KREMEN1: variants seen among roughly 807,000 people sequenced by gnomAD.
KREMEN1 encodes kremen protein 1.
KREMEN1 carries 30 observed loss-of-function variants against 46.5 expected under a neutral mutation model. The observed-to-expected ratio is 0.65, with a 90% CI of 0.48 to 0.88. KREMEN1 has a LOEUF of 0.88. Ranked by LOEUF, KREMEN1 falls within the 40% of genes least tolerant of loss-of-function variation. KREMEN1 has a pLI of 0.00. For synonymous variants in KREMEN1, 214 were observed against 230.6 expected (o/e 0.93, Z 0.65); for missense variants, 533 against 596.9 (o/e 0.89, Z 1.11).
rs568646538 is a variant in KREMEN1 at position 29,145,951 on chromosome 22, G to A, written c.*3839G>A. Reference sequence around the variant, plus strand: ...GCAGGAGCCTTCCTGGCCGGGCTCAGGATCTGCCTGCAGCCCAGCCAGGCC... The same window carrying A: ...GCAGGAGCCTTCCTGGCCGGGCTCAAGATCTGCCTGCAGCCCAGCCAGGCC... On this transcript the variant is annotated 3_prime_UTR_variant, in exon 9 of 9. Coordinates refer to ENST00000400335, the MANE Select transcript of KREMEN1 (RefSeq NM_001039570.3). 2.0e-6 allele frequency: 2 copies of A among 986,010 alleles called. No homozygotes were observed. Among genetic ancestry groups the A allele is most frequent in the Non-Finnish European group, 2.4e-6 (2 of 830,084 alleles). The allele number at this position is 986,010 out of a possible 1,614,324, so 61.1% of individuals were successfully genotyped here.
chr22:29,082,477 G>A (rs534808065), intron 1 of KREMEN1, among the ~76,000 whole-genome samples: 58 of 152,306 alleles, frequency 3.8e-4, no homozygotes, highest in African/African-American at 1.4e-3. Context: ...CATAGGTATT[G>A]CTAGGTAAGT....
chr22:29,126,006 G>A (rs1291026327), intron 5 of KREMEN1, among the ~76,000 whole-genome samples: 1 of 151,812 alleles, frequency 6.6e-6, no homozygotes, highest in Non-Finnish European at 1.5e-5. Flanking sequence ...TCTAACCACT[G>A]AGCCAGCTGA....
intron 9 of KREMEN1, among the ~76,000 whole-genome samples, chr22:29,162,089 C>T (rs1448258273): frequency 2.0e-5 from 3 of 151,318 alleles, no homozygotes; most frequent in Non-Finnish European, 2.9e-5. Context: ...TGCACTCTAG[C>T]CTGAATAACA....
intron 4 of KREMEN1, among the ~76,000 whole-genome samples, chr22:29,121,738 G>A (rs553814940): frequency 6.6e-6 from 1 of 152,338 alleles, no homozygotes; most frequent in African/African-American, 2.4e-5. Context: ...TCTGGGTTAT[G>A]AATGTTCTGG....
At chr22:29,078,476 A>T (rs1396466009) in intron 1 of KREMEN1, among the ~76,000 whole-genome samples, 2 of 131,538 alleles carry the variant, frequency 1.5e-5, no homozygotes, top group African/African-American at 5.9e-5. Flanking sequence ...ACAGAAAAAC[A>T]GCCAGGAAAA....
At chr22:29,121,224 T>G in intron 3 of KREMEN1, 133 bp from the exon 4 acceptor site, 1 of 982,598 alleles carries the variant, frequency 1.0e-6, no homozygotes, top group Non-Finnish European at 1.5e-6. Flanking sequence ...CAAAGCTGGT[T>G]GCTTGTTGTT....
chr22:29,136,122 A>G (rs1170305163), intron 5 of KREMEN1, among the ~76,000 whole-genome samples: 1 of 151,756 alleles, frequency 6.6e-6, no homozygotes, highest in Non-Finnish European at 1.5e-5. Context: ...GGGTTTCACC[A>G]TATTGATCAG....
chr22:29,090,055 T>C (rs2037783997), intron 1 of KREMEN1, among the ~76,000 whole-genome samples: 1 of 152,230 alleles, frequency 6.6e-6, no homozygotes, highest in Non-Finnish European at 1.5e-5. Flanking sequence ...GTAAGCTCCA[T>C]GAATACAGGA....
intron 3 of KREMEN1, among the ~76,000 whole-genome samples, chr22:29,115,993 T>C (rs1284758996): frequency 6.6e-6 from 1 of 152,072 alleles, no homozygotes; most frequent in African/African-American, 2.4e-5. Flanking sequence ...TGTGAGAAAG[T>C]TTGGACTTTA....
chr22:29,084,916 C>T (rs896362178), intron 1 of KREMEN1, among the ~76,000 whole-genome samples: 5 of 151,978 alleles, frequency 3.3e-5, no homozygotes, highest in African/African-American at 1.2e-4. Flanking sequence ...TTAAGGGCAC[C>T]ATCTCCTTAA....
chr22:29,117,597 T>C (rs1223828981), intron 3 of KREMEN1, among the ~76,000 whole-genome samples: 1 of 151,930 alleles, frequency 6.6e-6, no homozygotes, highest in Non-Finnish European at 1.5e-5. Context: ...TCTAAGAGTC[T>C]ATATGCCTGT....
At chr22:29,115,764 G>T (rs1156557586) in intron 3 of KREMEN1, among the ~76,000 whole-genome samples, 1 of 152,208 alleles carries the variant, frequency 6.6e-6, no homozygotes, top group Non-Finnish European at 1.5e-5. Context: ...CTTCCCAGGG[G>T]AAATGATGTT....
chr22:29,154,672 C>G (rs1469633231), intron 9 of KREMEN1: 1 of 152,134 alleles, frequency 6.6e-6, no homozygotes, highest in South Asian at 2.1e-4. Flanking sequence ...AGCCCTGAAC[C>G]GCAACTGCTC....
chr22:29,124,884 G>A (rs1025150361), intron 4 of KREMEN1, among the ~76,000 whole-genome samples: 1 of 152,124 alleles, frequency 6.6e-6, no homozygotes, highest in Non-Finnish European at 1.5e-5. Context: ...GTAAAATGGG[G>A]CCTATAATGT....
In KREMEN1 at chr22:29,073,414, G is replaced by T. The variant is rs555326716; in HGVS notation, c.97+187G>T. 1.3e-5 allele frequency among the ~76,000 whole-genome samples: 2 copies of T among 151,464 alleles called. No homozygotes were observed. Among genetic ancestry groups the T allele is most frequent in the African/African-American group, 2.4e-5 (1 of 41,240 alleles). ...TGGGACCCGGGCTACCCCCAGGCCC[G>T]TCATCGACGCCCCCGGGCCCGGTAC... On this transcript the variant is annotated intron_variant, in intron 1 of 8. Coordinates refer to ENST00000400335, the MANE Select transcript of KREMEN1 (RefSeq NM_001039570.3). The surrounding 1 kb of genome is among the most constrained non-coding windows in gnomAD (Gnocchi z 4.4).
At position 29,138,671 on chromosome 22, in the gene KREMEN1, G is replaced by T. The variant is rs146078397; in HGVS notation, c.1012G>T (p.Val338Leu). The T allele has an allele frequency of 2.3e-4, 375 of 1,614,228 alleles. 1 individual carries two copies. The African/African-American group carries it at 4.0e-3, about 17-fold the overall frequency. Residue 338 changes from valine to leucine, a missense_variant, in exon 7 of 9, where the codon GTG (valine) becomes TTG (leucine). By Grantham distance (32) the Val-to-Leu change is conservative. Transcript: ENST00000400335. ...GGAGAGGCCCGCTGTCAACCAGACGGTGGCCGAGGTGATCACGGAGCAGGC... is the reference window on the plus strand; with the variant it reads ...GGAGAGGCCCGCTGTCAACCAGACGTTGGCCGAGGTGATCACGGAGCAGGC... Reference protein sequence around the residue: ...PQERPAVNQTVAEVITEQANL... With the variant: ...PQERPAVNQTLAEVITEQANL...
chr22:29,100,358 C>T (rs1433357488), intron 3 of KREMEN1, among the ~76,000 whole-genome samples: 1 of 152,126 alleles, frequency 6.6e-6, no homozygotes, highest in Non-Finnish European at 1.5e-5. Flanking sequence ...AGGTGATCCG[C>T]CCGCCTTGGC....
intron 5 of KREMEN1, among the ~76,000 whole-genome samples, chr22:29,128,889 T>C (rs562353827): frequency 6.6e-6 from 1 of 152,356 alleles, no homozygotes; most frequent in Non-Finnish European, 1.5e-5. Flanking sequence ...TTATTAACAA[T>C]AGTAAAAATA....
chr22:29,074,044 C>G (rs1039050703), intron 1 of KREMEN1, among the ~76,000 whole-genome samples: 5 of 152,244 alleles, frequency 3.3e-5, no homozygotes, highest in African/African-American at 1.2e-4. Flanking sequence ...GGCGCCTCCC[C>G]GCGCAGAGCA....
Sources: gnomAD v4.1 joint callset for allele counts (sites outside exome capture counted in the v4.1 genomes callset) on GRCh38, gnomAD v4.1.1 for gene constraint, Gnocchi (gnomAD v3.1) non-coding constraint, MANE v1.5 for transcripts, NCBI Gene and HGNC (gene_info 2026-07-23, HGNC 2026-07-21) for gene names.